Variants in GPC1 observed in about 807,000 individuals in gnomAD.
The protein encoded by GPC1 is glypican-1.
Under a neutral mutation model 51.5 loss-of-function variants are expected in GPC1, and 26 were observed. The observed-to-expected ratio is 0.50, with a 90% CI of 0.37 to 0.70. The LOEUF (loss-of-function observed/expected upper bound fraction) is 0.70. GPC1 is among the 30% of genes least tolerant of loss of function. The probability of loss-of-function intolerance (pLI) is 0.00; values close to 1 mark genes in which losing one functional copy is unlikely to be tolerated. For missense variants in GPC1, 775 were observed against 800.5 expected (o/e 0.97, Z 0.38); for synonymous variants, 380 against 348.3 (o/e 1.09, Z -1.01).
intron 1 of GPC1, among the ~76,000 whole-genome samples, chr2:240,437,494 C>T (rs2073991612): frequency 6.6e-6 from 1 of 152,216 alleles, no homozygotes; most frequent in Admixed American, 6.5e-5. Flanking sequence ...TCCAAAGTCC[C>T]CAGGACAGGC....
chr2:240,465,129 T>A lies in GPC1; in HGVS notation c.1187T>A (p.Leu396His). ...LRDVQDFWISLPGTLCSEKMA... is the reference protein window; with the variant it reads ...LRDVQDFWISHPGTLCSEKMA... ...GACGTCCAGGACTTCTGGATCAGCC[T>A]CCCAGGGACACTGTGCAGTGAGAAG... The change falls in exon 7 of 9, where the codon CTC (leucine) becomes CAC (histidine). Residue 396 changes from leucine to histidine, a missense_variant. Coordinates refer to ENST00000264039, the MANE Select transcript of GPC1 (RefSeq NM_002081.3). 6.2e-7 allele frequency: 1 copy of A among 1,611,998 alleles called. No individual in the cohort carries two copies. Among genetic ancestry groups the A allele is most frequent in the Non-Finnish European group, 8.5e-7 (1 of 1,179,646 alleles).
intron 1 of GPC1, chr2:240,456,177 G>A (rs905102924): frequency 2.7e-5 from 7 of 261,146 alleles, no homozygotes; most frequent in African/African-American, 4.8e-5. Context: ...GGGCCGGTGC[G>A]CGGCCGTGAG....
chr2:240,436,302 C>T (rs1014979704), intron 1 of GPC1, among the ~76,000 whole-genome samples: 2 of 152,226 alleles, frequency 1.3e-5, no homozygotes, highest in African/African-American at 2.4e-5. Context: ...GTCTCCTCCG[C>T]CCCGCTCGGT....
chr2:240,436,329 C>T (rs888049432), intron 1 of GPC1, among the ~76,000 whole-genome samples: 1 of 152,100 alleles, frequency 6.6e-6, no homozygotes, highest in East Asian at 1.9e-4. Context: ...CCGCCCCTCC[C>T]CGCCCCCCGC....
At chr2:240,459,339 T>C in intron 2 of GPC1, 151 bp downstream of exon 2, 3 of 771,742 alleles carry the variant, frequency 3.9e-6, no homozygotes, top group African/African-American at 1.7e-5. Context: ...GGGCGCTGGG[T>C]TGAAGCCCCA....
At chr2:240,458,270 CAA>C (rs2074186980) in intron 1 of GPC1, 8 of 316,476 alleles carry the variant, frequency 2.5e-5, no homozygotes, top group South Asian at 2.0e-4. Flanking sequence ...AGAGCTGACT[CAA>C]AGCCTGTCCT....
chr2:240,445,800 C>T (rs754821824), intron 1 of GPC1, among the ~76,000 whole-genome samples: 13 of 152,294 alleles, frequency 8.5e-5, no homozygotes, highest in Non-Finnish European at 1.5e-4. Flanking sequence ...CTGTTTATGC[C>T]CCTCCACGTT....
chr2:240,459,897 G>C (rs2074202478), intron 2 of GPC1, among the ~76,000 whole-genome samples: 1 of 152,164 alleles, frequency 6.6e-6, no homozygotes, highest in Non-Finnish European at 1.5e-5. Context: ...CTTGGTGGAG[G>C]GAGGCGGCCC....
chr2:240,463,242 C>T (rs2074232148), intron 3 of GPC1, 105 bp from the exon 4 acceptor site: 1 of 977,686 alleles, frequency 1.0e-6, no homozygotes, highest in South Asian at 1.5e-5. Context: ...GAGGCCTCCC[C>T]TGACTTCCCT....
chr2:240,439,660 G>A (rs1431678354), intron 1 of GPC1, among the ~76,000 whole-genome samples: 1 of 152,204 alleles, frequency 6.6e-6, no homozygotes, highest in East Asian at 1.9e-4. Flanking sequence ...CCCTGAAAGG[G>A]TGTTTCCGGC....
intron 1 of GPC1, chr2:240,455,928 C>T: frequency 2.9e-6 from 1 of 345,592 alleles, no homozygotes; most frequent in Non-Finnish European, 5.7e-6. Flanking sequence ...CCTCAGGGGG[C>T]CGCCTCGATC....
chr2:240,456,741 C>A, intron 1 of GPC1: 1 of 414,078 alleles, frequency 2.4e-6, no homozygotes, highest in Non-Finnish European at 5.2e-6. Context: ...CCCGGAGGGG[C>A]GGTTCCTGCT....
intron 7 of GPC1, 51 bp from the exon 8 acceptor site, chr2:240,465,422 C>T (rs1209692484): frequency 4.5e-6 from 7 of 1,559,004 alleles, no homozygotes; most frequent in East Asian, 2.2e-5. Context: ...AGGTGATGGC[C>T]CTTTGCAGGG....
intron 1 of GPC1, among the ~76,000 whole-genome samples, chr2:240,443,039 C>T: frequency 6.6e-6 from 1 of 152,264 alleles, no homozygotes; most frequent in Admixed American, 6.5e-5. Context: ...TGCCGTGGGC[C>T]TCCGCTTTTC....
At chr2:240,460,061 T>C (rs2074203802) in intron 2 of GPC1, among the ~76,000 whole-genome samples, 1 of 151,980 alleles carries the variant, frequency 6.6e-6, no homozygotes, top group South Asian at 2.1e-4. Context: ...TGTCTCAGCG[T>C]TCCTGCTTCT....
chr2:240,449,612 C>T (rs1020331820), intron 1 of GPC1: 1 of 292,324 alleles, frequency 3.4e-6, no homozygotes, highest in African/African-American at 2.2e-5. Context: ...GGCGTTCAGT[C>T]CATTCATGCT....
At chr2:240,437,436 G>A (rs1259970642) in intron 1 of GPC1, among the ~76,000 whole-genome samples, 1 of 152,024 alleles carries the variant, frequency 6.6e-6, no homozygotes, top group East Asian at 1.9e-4. Flanking sequence ...TCCCTTGGCG[G>A]ATCTCCCGAT....
At chr2:240,451,008 G>T (rs1210549762) in intron 1 of GPC1, 7 of 412,750 alleles carry the variant, frequency 1.7e-5, no homozygotes, top group African/African-American at 9.0e-5. Flanking sequence ...GTGACTGGGT[G>T]GTGGGGGTGG....
chr2:240,454,290 C>G (rs895417566), intron 1 of GPC1, among the ~76,000 whole-genome samples: 4 of 152,166 alleles, frequency 2.6e-5, no homozygotes, highest in African/African-American at 9.7e-5. Context: ...AGGAAAAGAT[C>G]CTCTGCAGCC....
Sources: allele counts gnomAD v4.1 joint callset (sites outside exome capture counted in the v4.1 genomes callset), GRCh38; gene constraint gnomAD v4.1.1; transcripts MANE v1.5; gene names NCBI Gene and HGNC (gene_info 2026-07-23, HGNC 2026-07-21).